Variants in CLSTN2 observed in about 807,000 individuals in gnomAD.
CLSTN2 encodes the protein calsyntenin-2.
In CLSTN2, 48 loss-of-function variants were observed where a neutral mutation model predicts 101.2. The ratio of observed to expected loss-of-function variants is 0.47; its 90% confidence interval spans 0.38 to 0.60. The LOEUF is 0.60. CLSTN2 is among the 20% of genes least tolerant of loss of function. CLSTN2 has a pLI of 0.00. For missense variants in CLSTN2, 1,160 were observed against 1,238.2 expected (o/e 0.94, Z 0.95); for synonymous variants, 481 against 463.6 (o/e 1.04, Z -0.48).
At chr3:140,353,956 G>A (rs2087638614) in intron 2 of CLSTN2, among the ~76,000 whole-genome samples, 3 of 152,130 alleles carry the variant, frequency 2.0e-5, no homozygotes, top group African/African-American at 7.2e-5. Context: ...ACAAGAGTGG[G>A]CCTAAGGCAG....
intron 1 of CLSTN2, among the ~76,000 whole-genome samples, chr3:140,099,303 G>C (rs974423938): frequency 4.6e-5 from 7 of 152,168 alleles, no homozygotes; most frequent in African/African-American, 1.7e-4. Context: ...AAGGCTCTAG[G>C]GGAAAGTTTT....
intron 1 of CLSTN2, among the ~76,000 whole-genome samples, chr3:140,018,451 G>A (rs545221931): frequency 4.3e-4 from 66 of 152,272 alleles, no homozygotes; most frequent in African/African-American, 1.5e-3. Flanking sequence ...ATCTGAATAA[G>A]CCCAAGGCAT....
In CLSTN2 at chr3:140,012,828, G is replaced by T. The variant is rs73867258; in HGVS notation, c.109+77345G>T. Among the ~76,000 whole-genome samples the T allele has an allele frequency of 7.2e-3, 1,104 of 152,310 alleles. 19 individuals are homozygous for T. Among genetic ancestry groups the T allele is most frequent in the African/African-American group, 0.026 (1,079 of 41,572 alleles). On this transcript the variant is annotated intron_variant, in intron 1 of 16. Transcript: ENST00000458420. ...TTAACACAGTGAGGAAGGTCAGAAA[G>T]CAGGAGGGACTTTAGAGGGAAACTG...
chr3:140,048,954 C>T (rs1045379801), intron 1 of CLSTN2, among the ~76,000 whole-genome samples: 4 of 152,206 alleles, frequency 2.6e-5, no homozygotes, highest in Non-Finnish European at 4.4e-5. Flanking sequence ...ATTTGACCAG[C>T]GGCACTGCTC....
chr3:140,480,037 G>C (rs201218523), intron 8 of CLSTN2, among the ~76,000 whole-genome samples: 1 of 151,728 alleles, frequency 6.6e-6, no homozygotes, highest in Admixed American at 6.6e-5. Flanking sequence ...GTGCCATGTT[G>C]GTGTGCTGCA....
At chr3:140,003,732 A>G (rs1293791015) in intron 1 of CLSTN2, among the ~76,000 whole-genome samples, 1 of 152,044 alleles carries the variant, frequency 6.6e-6, no homozygotes, top group Non-Finnish European at 1.5e-5. Context: ...GAATTTTTTG[A>G]TGAAGGGATG....
At chr3:139,960,522 G>A (rs576360592) in intron 1 of CLSTN2, among the ~76,000 whole-genome samples, 45 of 152,344 alleles carry the variant, frequency 3.0e-4, no homozygotes, top group African/African-American at 1.1e-3. Flanking sequence ...CATGAGCCAT[G>A]CTTATCTCTC....
At chr3:140,145,170 T>G (rs2009762686) in intron 1 of CLSTN2, among the ~76,000 whole-genome samples, 1 of 152,262 alleles carries the variant, frequency 6.6e-6, no homozygotes, top group Admixed American at 6.5e-5. Flanking sequence ...TGGTAAATAT[T>G]TATCCAATGA....
intron 5 of CLSTN2, among the ~76,000 whole-genome samples, chr3:140,431,869 T>A (rs1361910458): frequency 6.6e-6 from 1 of 152,210 alleles, no homozygotes; most frequent in African/African-American, 2.4e-5. Context: ...TTAAGAATCA[T>A]AATCCTTGGC....
In CLSTN2 at chr3:140,536,186, T is replaced by C. The variant is rs1199229375; in HGVS notation, c.1507+3700T>C. ...TACTAGCTGTACGGACCCAGCAGTA[T>C]CCTTAACTTCCTGGAGCTTGTATTT... On this transcript the variant is annotated intron_variant, in intron 9 of 16. Transcript: ENST00000458420. Among the ~76,000 whole-genome samples, 4 of 152,108 alleles carry C rather than the reference T, an allele frequency of 2.6e-5. No individual in the cohort carries two copies. The South Asian group carries it at 6.3e-4, about 24-fold the overall frequency.
chr3:139,948,326 A>G (rs565732932), intron 1 of CLSTN2, among the ~76,000 whole-genome samples: 35 of 152,124 alleles, frequency 2.3e-4, no homozygotes, highest in South Asian at 8.3e-4. Context: ...CTTTTTGGGC[A>G]TGGTGGTGGG....
chr3:140,556,891 C>A (rs544543893), intron 11 of CLSTN2: 97 of 520,884 alleles, frequency 1.9e-4, no homozygotes, highest in African/African-American at 1.8e-3. Context: ...TATCTTGTAT[C>A]TTATCTAATG....
intron 10 of CLSTN2, among the ~76,000 whole-genome samples, chr3:140,554,089 A>G (rs774319431): frequency 6.6e-6 from 1 of 152,168 alleles, no homozygotes; most frequent in Non-Finnish European, 1.5e-5. Flanking sequence ...CCACTGTACT[A>G]TAATAGTGGT....
intron 8 of CLSTN2, among the ~76,000 whole-genome samples, chr3:140,479,135 T>C (rs2107750568): frequency 6.6e-6 from 1 of 152,282 alleles, no homozygotes; most frequent in South Asian, 2.1e-4. Flanking sequence ...TGAAAAGATC[T>C]GAGCAGGTAT....
chr3:140,266,938 C>T (rs1483500523), intron 2 of CLSTN2, among the ~76,000 whole-genome samples: 1 of 152,190 alleles, frequency 6.6e-6, no homozygotes, highest in Non-Finnish European at 1.5e-5. Flanking sequence ...AGAAAGAATG[C>T]TAAGGCTGAA....
chr3:140,234,472 A>G (rs1392918558), intron 2 of CLSTN2, among the ~76,000 whole-genome samples: 1 of 152,158 alleles, frequency 6.6e-6, no homozygotes, highest in Non-Finnish European at 1.5e-5. Flanking sequence ...AATGTGGTCA[A>G]TGAAAGTAAC....
chr3:140,142,130 T>C (rs1180492505), intron 1 of CLSTN2, among the ~76,000 whole-genome samples: 2 of 152,164 alleles, frequency 1.3e-5, no homozygotes, highest in Non-Finnish European at 2.9e-5. Context: ...AGGAGACAAG[T>C]GGGCTAGGAG....
At chr3:139,940,342 A>C (rs113525027) in intron 1 of CLSTN2, among the ~76,000 whole-genome samples, 178 of 152,314 alleles carry the variant, frequency 1.2e-3, no homozygotes, top group African/African-American at 3.8e-3. Flanking sequence ...CTTCCTAGTT[A>C]GATGATCTTG....
chr3:140,012,949 T>C (rs1560069333), intron 1 of CLSTN2, among the ~76,000 whole-genome samples: 1 of 149,398 alleles, frequency 6.7e-6, no homozygotes, highest in African/African-American at 2.5e-5. Flanking sequence ...CATGAGTGGC[T>C]GTTACAACTA....
Sources: gnomAD v4.1 joint callset for allele counts (sites outside exome capture counted in the v4.1 genomes callset) on GRCh38, gnomAD v4.1.1 for gene constraint, MANE v1.5 for transcripts, NCBI Gene and HGNC (gene_info 2026-07-23, HGNC 2026-07-21) for gene names.